Variants in TAF15 observed in about 807,000 individuals in gnomAD.
TAF15 encodes the protein TATA-box binding protein associated factor 15.
TAF15 carries 37 observed loss-of-function variants against 102.5 expected under a neutral mutation model. The observed-to-expected ratio is 0.36, with a 90% CI of 0.28 to 0.47. TAF15 has a LOEUF of 0.47. TAF15 is among the 20% of genes least tolerant of loss of function. The probability of loss-of-function intolerance (pLI) is 0.99; values close to 1 mark genes in which losing one functional copy is unlikely to be tolerated. For synonymous variants in TAF15, 273 were observed against 259.2 expected, an observed-to-expected ratio of 1.05 and a Z score of -0.51; for missense variants, 652 against 760.7, an observed-to-expected ratio of 0.86 and a Z score of 1.68.
At chr17:35,838,186 A>C (rs199520993) in intron 10 of TAF15, among the ~76,000 whole-genome samples, 1 of 152,028 alleles carries the variant, frequency 6.6e-6, no homozygotes, top group Non-Finnish European at 1.5e-5. Flanking sequence ...TGTCTCAATT[A>C]AAAAAAATTA....
chr17:35,845,062 A>G (rs1466010217), intron 15 of TAF15, 24 bp downstream of exon 15: 2 of 1,613,512 alleles, frequency 1.2e-6, no homozygotes, highest in African/African-American at 1.3e-5. Flanking sequence ...TGTGTTTATT[A>G]ACCTTTTTAC....
intron 7 of TAF15, among the ~76,000 whole-genome samples, chr17:35,831,556 T>A (rs1397108248): frequency 6.6e-6 from 1 of 152,164 alleles, no homozygotes; most frequent in African/African-American, 2.4e-5. Flanking sequence ...CTGGCCAGAA[T>A]GGAAATTATA....
intron 7 of TAF15, among the ~76,000 whole-genome samples, chr17:35,831,057 C>T (rs2087398608): frequency 6.6e-6 from 1 of 152,054 alleles, no homozygotes; most frequent in South Asian, 2.1e-4. Context: ...AAATTTATGG[C>T]CATGTGTTGA....
intron 1 of TAF15, among the ~76,000 whole-genome samples, chr17:35,813,986 GT>G (rs200205553): frequency 1.4e-5 from 2 of 148,096 alleles, no homozygotes; most frequent in East Asian, 1.9e-4. Context: ...TCTTTTTTCT[GT>G]TTTTTTTGTT....
chr17:35,809,643 C>T, intron 1 of TAF15, 67 bp downstream of exon 1: 3 of 1,609,046 alleles, frequency 1.9e-6, no homozygotes, highest in Non-Finnish European at 1.7e-6. Flanking sequence ...GCTGTCTTCC[C>T]GCCCACCGGA....
intron 7 of TAF15, among the ~76,000 whole-genome samples, chr17:35,825,893 G>C (rs1353698033): frequency 1.3e-5 from 2 of 152,028 alleles, no homozygotes; most frequent in Non-Finnish European, 2.9e-5. Context: ...GGCGGAGCAT[G>C]CAGTGAGCCG....
At chr17:35,810,400 G>A (rs1333670969) in intron 1 of TAF15, 1 of 152,440 alleles carries the variant, frequency 6.6e-6, no homozygotes, top group African/African-American at 2.4e-5. Flanking sequence ...AAGAGAAAGA[G>A]AGGCATTAGT....
intron 12 of TAF15, 141 bp from the exon 13 acceptor site, chr17:35,843,936 T>TA: frequency 2.5e-6 from 2 of 813,376 alleles, no homozygotes; most frequent in African/African-American, 3.4e-5. Context: ...ATCAAAGAAT[T>TA]ACAAAGTCCT....
intron 7 of TAF15, among the ~76,000 whole-genome samples, chr17:35,826,414 T>G (rs1443562177): frequency 6.6e-6 from 1 of 152,178 alleles, no homozygotes; most frequent in African/African-American, 2.4e-5. Context: ...TGTTCTGGGT[T>G]TGGTGAACCA....
At chr17:35,836,661 A>G (rs2087478634) in intron 10 of TAF15, among the ~76,000 whole-genome samples, 1 of 152,222 alleles carries the variant, frequency 6.6e-6, no homozygotes, top group African/African-American at 2.4e-5. Context: ...CGTCTTTTGC[A>G]CTATTTTCAT....
rs1374859125 is a variant in TAF15, at chr17:35,815,108, G to A, written c.8-2608G>A. Among the ~76,000 whole-genome samples, 3 of 152,182 alleles carry A rather than the reference G, an allele frequency of 2.0e-5. No homozygotes were observed. The East Asian group carries it at 5.8e-4, about 29-fold the overall frequency. On this transcript the variant is annotated intron_variant, in intron 1 of 15. Transcript: ENST00000605844. Reference sequence around the variant, plus strand: ...ATACATAATTATTTTCAGGCACACAGGGAACATGTGCCAAGGGGGAAAAGC... The same window carrying A: ...ATACATAATTATTTTCAGGCACACAAGGAACATGTGCCAAGGGGGAAAAGC...
intron 10 of TAF15, 101 bp from the exon 11 acceptor site, chr17:35,838,321 ATG>A: frequency 2.1e-6 from 3 of 1,460,896 alleles, no homozygotes; most frequent in Non-Finnish European, 2.8e-6. Flanking sequence ...TATAGTATGA[ATG>A]TGTGAATTCC....
Position 35,838,383 on chromosome 17 carries a change from T to C in TAF15, c.784-41T>C, listed in dbSNP as rs922175839. On this transcript the variant is annotated intron_variant, in intron 10 of 15. Coordinates refer to ENST00000605844, the MANE Select transcript of TAF15 (RefSeq NM_139215.3). ...TATCTAAATGATACATGATTACTTA[T>C]TTTAAAAATGCTAACACCAAGTGTT... 1.9e-6 allele frequency: 3 copies of C among 1,612,284 alleles called. No homozygotes were observed. The South Asian group carries it at 3.3e-5, about 18-fold the overall frequency.
chr17:35,817,851 G>A (rs2087213092), intron 2 of TAF15, 96 bp downstream of exon 2: 1 of 1,061,448 alleles, frequency 9.4e-7, no homozygotes, highest in African/African-American at 1.6e-5. Context: ...GATGTCATAA[G>A]TTAAATATTA....
intron 7 of TAF15, among the ~76,000 whole-genome samples, chr17:35,825,433 T>C (rs992411187): frequency 6.6e-6 from 1 of 152,142 alleles, no homozygotes; most frequent in Non-Finnish European, 1.5e-5. Flanking sequence ...AATAATAGCC[T>C]CCCTCCTGTT....
chr17:35,834,738 T>G (rs993513307), intron 9 of TAF15, 140 bp downstream of exon 9: 4 of 562,196 alleles, frequency 7.1e-6, no homozygotes, highest in African/African-American at 2.2e-5. Flanking sequence ...GGAGCTTTAT[T>G]TCTTTTTTTT....
At chr17:35,814,872 GTA>G (rs200841363) in intron 1 of TAF15, among the ~76,000 whole-genome samples, 1 of 150,914 alleles carries the variant, frequency 6.6e-6, no homozygotes, top group African/African-American at 2.4e-5. Context: ...AAGTGTGTGT[GTA>G]TATATATATG....
intron 15 of TAF15, among the ~76,000 whole-genome samples, chr17:35,845,386 C>T (rs920562015): frequency 3.9e-5 from 6 of 152,124 alleles, no homozygotes; most frequent in African/African-American, 1.4e-4. Flanking sequence ...TCCCAAGTAG[C>T]TGGAACTATA....
intron 12 of TAF15, among the ~76,000 whole-genome samples, chr17:35,842,905 G>A (rs2087565002): frequency 6.6e-6 from 1 of 150,634 alleles, no homozygotes; most frequent in Admixed American, 6.6e-5. Flanking sequence ...GCTAATTTTT[G>A]TATTTTTAAT....
Sources: gnomAD v4.1 joint callset for allele counts (sites outside exome capture counted in the v4.1 genomes callset) on GRCh38, gnomAD v4.1.1 for gene constraint, MANE v1.5 for transcripts, NCBI Gene and HGNC (gene_info 2026-07-23, HGNC 2026-07-21) for gene names.